ARNT: variants seen among roughly 807,000 people sequenced by gnomAD.
ARNT encodes aryl hydrocarbon receptor nuclear translocator.
A neutral mutation model predicts 105.0 loss-of-function variants in ARNT; 30 were observed. That is an observed-to-expected ratio of 0.29 (90% CI 0.21 to 0.39). ARNT has a LOEUF of 0.39. Ranked by LOEUF, ARNT falls within the 10% of genes least tolerant of loss-of-function variation. The probability of loss-of-function intolerance (pLI) is 1.00; values close to 1 mark genes in which losing one functional copy is unlikely to be tolerated. For synonymous variants in ARNT, 304 were observed against 344.0 expected, an observed-to-expected ratio of 0.88 and a Z score of 1.29; for missense variants, 748 against 978.7, an observed-to-expected ratio of 0.76 and a Z score of 3.15.
chr1:150,820,062 G>A (rs774151563), intron 14 of ARNT, among the ~76,000 whole-genome samples: 1 of 152,148 alleles, frequency 6.6e-6, no homozygotes, highest in Non-Finnish European at 1.5e-5. Flanking sequence ...CAGGCCCACT[G>A]CCTGTTTTTC....
At chr1:150,867,784 T>C (rs984873519) in intron 1 of ARNT, among the ~76,000 whole-genome samples, 7 of 152,046 alleles carry the variant, frequency 4.6e-5, no homozygotes, top group Non-Finnish European at 1.5e-5. Flanking sequence ...TGCTCTCTCA[T>C]GATAGAGTTC....
At chr1:150,823,005 C>T (rs1397810870) in intron 14 of ARNT, among the ~76,000 whole-genome samples, 189 bp downstream of exon 14, 1 of 152,172 alleles carries the variant, frequency 6.6e-6, no homozygotes, top group Non-Finnish European at 1.5e-5. Context: ...CAACCTCCAC[C>T]TCTCAGGTTC....
chr1:150,852,322 C>T lies in ARNT; in HGVS notation c.182+440G>A, dbSNP rs990834685. ...TTTGTGCTGTAGATTGTAGCCATCACCACATGAAAAAATTCAGTCTGGCCT... is the reference window on the plus strand; with the variant it reads ...TTTGTGCTGTAGATTGTAGCCATCATCACATGAAAAAATTCAGTCTGGCCT... On this transcript the variant is annotated intron_variant, in intron 3 of 21. Transcript: ENST00000358595. Among the ~76,000 whole-genome samples, 4 of 152,106 alleles carry T rather than the reference C, an allele frequency of 2.6e-5. No homozygotes were observed. The South Asian group carries it at 8.3e-4, about 31-fold the overall frequency.
chr1:150,844,066 A>G (rs2102015737), intron 4 of ARNT, among the ~76,000 whole-genome samples: 1 of 152,352 alleles, frequency 6.6e-6, no homozygotes, highest in East Asian at 1.9e-4. Context: ...TTGAAATTTC[A>G]TCAAGATACT....
At chr1:150,821,146 A>G (rs747385144) in intron 14 of ARNT, among the ~76,000 whole-genome samples, 30 of 152,262 alleles carry the variant, frequency 2.0e-4, no homozygotes, top group Non-Finnish European at 3.8e-4. Flanking sequence ...TCATAAGCTT[A>G]TATCATCTTA....
chr1:150,839,740 C>T (rs1420304119), intron 5 of ARNT, 86 bp from the exon 6 acceptor site: 3 of 1,355,068 alleles, frequency 2.2e-6, no homozygotes, highest in East Asian at 5.0e-5. Context: ...ACCAAGTGTG[C>T]TGCTGAAGAA....
chr1:150,824,794 A>G (rs935201566), intron 13 of ARNT, among the ~76,000 whole-genome samples: 5 of 152,056 alleles, frequency 3.3e-5, no homozygotes, highest in African/African-American at 1.2e-4. Flanking sequence ...AGGTTTCCAT[A>G]AATAAAATTA....
intron 1 of ARNT, among the ~76,000 whole-genome samples, chr1:150,870,768 CAA>C (rs1667298429): frequency 6.6e-6 from 1 of 151,978 alleles, no homozygotes; most frequent in Admixed American, 6.6e-5. Flanking sequence ...ATCAGCCTCC[CAA>C]AGTGCTAGGA....
chr1:150,852,063 CA>C (rs1663719426), intron 3 of ARNT, among the ~76,000 whole-genome samples: 1 of 150,516 alleles, frequency 6.6e-6, no homozygotes, highest in African/African-American at 2.4e-5. Flanking sequence ...AAAACAAAAA[CA>C]AAAAATACAA....
At chr1:150,863,791 G>A (rs1393134766) in intron 1 of ARNT, among the ~76,000 whole-genome samples, 1 of 151,762 alleles carries the variant, frequency 6.6e-6, no homozygotes, top group Non-Finnish European at 1.5e-5. Flanking sequence ...CTCCAGCCTG[G>A]GCAACAAGAG....
chr1:150,839,410 A>G (rs761895179), intron 6 of ARNT, 31 bp downstream of exon 6: 5 of 1,607,376 alleles, frequency 3.1e-6, no homozygotes, highest in Non-Finnish European at 4.3e-6. Flanking sequence ...CCCAGATTCC[A>G]GACTCTCTCA....
At position 150,827,224 on chromosome 1, in the gene ARNT, A is replaced by T. The variant is rs768586972; in HGVS notation, c.1168-607T>A. Among the ~76,000 whole-genome samples, 50 of 152,314 alleles carry T rather than the reference A, an allele frequency of 3.3e-4. 1 individual carries two copies. The highest frequency in any genetic ancestry group is 3.4e-3 in the Middle Eastern group (1 of 294). ...ATAATTCAGCCATTCTAAGTGTATG[A>T]TTTGATGATGTCTACTAAATTTATA... is the stretch of plus-strand genomic sequence containing the variant. On this transcript the variant is annotated intron_variant, in intron 12 of 21. Coordinates refer to ENST00000358595, the MANE Select transcript of ARNT (RefSeq NM_001668.4).
intron 11 of ARNT, 117 bp downstream of exon 11, chr1:150,829,787 G>C: frequency 1.8e-6 from 2 of 1,131,822 alleles, no homozygotes; most frequent in Non-Finnish European, 2.5e-6. Flanking sequence ...TTCAAATTTT[G>C]AGAGTTTTAT....
intron 6 of ARNT, among the ~76,000 whole-genome samples, chr1:150,837,034 C>A (rs931946406): frequency 2.0e-5 from 3 of 152,088 alleles, no homozygotes; most frequent in Admixed American, 2.0e-4. Flanking sequence ...CCACCACACT[C>A]CAGCCTGAGC....
chr1:150,832,410 G>A lies in ARNT; in HGVS notation c.804-11C>T. ...GAGCTACTGCCACACCTGTTTCAAG[G>A]AATAAAGAGATTAAAAGCAATCAGA... On this transcript the variant is annotated splice_polypyrimidine_tract_variant and intron_variant, in intron 8 of 21. Transcript: ENST00000358595. The A allele has an allele frequency of 3.1e-6, 5 of 1,613,896 alleles. No homozygotes were observed. Among genetic ancestry groups the A allele is most frequent in the Non-Finnish European group, 4.2e-6 (5 of 1,179,870 alleles).
chr1:150,830,520 T>G (rs10305711), intron 10 of ARNT: 1 of 152,090 alleles, frequency 6.6e-6, no homozygotes, highest in Non-Finnish European at 1.5e-5. Context: ...ATTTTACCCA[T>G]GTTAATTATA....
Position 150,810,546 on chromosome 1 carries a change from C to T in ARNT, c.*1475G>A. On this transcript the variant is annotated 3_prime_UTR_variant, in exon 22 of 22. Transcript: ENST00000358595. ...ATTCCTTTGGCCTCTTCAAGGCCAC[C>T]CTTGCTCCTCAGTCCCCTATGACTA... The T allele has an allele frequency of 4.6e-6, 1 of 219,766 alleles. No individual in the cohort carries two copies. The highest frequency in any genetic ancestry group is 6.7e-5 in the East Asian group (1 of 14,982). 13.6% of individuals were successfully genotyped at this position (219,766 alleles called of 1,614,324 possible).
chr1:150,834,870 G>A (rs1207333688), intron 7 of ARNT: 4 of 447,830 alleles, frequency 8.9e-6, no homozygotes, highest in Non-Finnish European at 1.7e-5. Context: ...ATAACATTGT[G>A]CAAGGAAAAG....
At chr1:150,855,801 C>T (rs890203343) in intron 2 of ARNT, among the ~76,000 whole-genome samples, 2 of 150,780 alleles carry the variant, frequency 1.3e-5, no homozygotes, top group Non-Finnish European at 2.9e-5. Context: ...ACTCGGAGAA[C>T]TGAAGTAGGA....
Sources: gnomAD v4.1 joint callset for allele counts (sites outside exome capture counted in the v4.1 genomes callset) on GRCh38, gnomAD v4.1.1 for gene constraint, MANE v1.5 for transcripts, NCBI Gene and HGNC (gene_info 2026-07-23, HGNC 2026-07-21) for gene names.